MIB1: variants seen among roughly 807,000 people sequenced by gnomAD.
MIB1 encodes MIB E3 ubiquitin protein ligase 1.
A neutral mutation model predicts 124.5 loss-of-function variants in MIB1; 278 were observed. The observed-to-expected ratio is 2.23, with a 90% CI of 2.02 to 2.47. The LOEUF (loss-of-function observed/expected upper bound fraction) is 2.47. MIB1 is among the 30% of genes most tolerant of loss of function. The pLI is 0.00. For synonymous variants in MIB1, 446 were observed against 429.4 expected, an observed-to-expected ratio of 1.04 and a Z score of -0.48; for missense variants, 957 against 1,254.4, an observed-to-expected ratio of 0.76 and a Z score of 3.58.
At chr18:21,813,577 G>A (rs2041798351) in intron 10 of MIB1, among the ~76,000 whole-genome samples, 2 of 120,306 alleles carry the variant, frequency 1.7e-5, no homozygotes, top group South Asian at 4.7e-4. Context: ...AAATATCCCT[G>A]AGTTGTAGGT....
intron 11 of MIB1, among the ~76,000 whole-genome samples, chr18:21,818,628 A>AC: frequency 6.6e-6 from 1 of 151,892 alleles, no homozygotes; most frequent in Non-Finnish European, 1.5e-5. Context: ...ACATACTGAG[A>AC]CCCCCATCTC....
At chr18:21,844,393 G>A (rs2042117855) in intron 15 of MIB1, 140 bp downstream of exon 15, 4 of 801,394 alleles carry the variant, frequency 5.0e-6, no homozygotes, top group African/African-American at 1.7e-5. Context: ...TATGAACTTA[G>A]TACTAGTCAG....
intron 13 of MIB1, 43 bp downstream of exon 13, chr18:21,838,540 T>A (rs753178467): frequency 1.3e-5 from 19 of 1,502,572 alleles, no homozygotes; most frequent in Admixed American, 4.3e-5. Context: ...TATTTTTTTT[T>A]AAACAATTTG....
At chr18:21,737,215 G>C (rs566563834), upstream of MIB1, among the ~76,000 whole-genome samples, 2 of 152,314 alleles carry the variant, frequency 1.3e-5, no homozygotes, top group African/African-American at 2.4e-5. Context: ...AGAAGAGAGT[G>C]GGGGCCAATA....
At chr18:21,815,464 T>A in intron 10 of MIB1, 152 bp from the exon 11 acceptor site, 1 of 658,566 alleles carries the variant, frequency 1.5e-6, no homozygotes, top group African/African-American at 1.8e-5. Flanking sequence ...ATTACAGGCA[T>A]GAGCCACTGC....
At chr18:21,835,816 C>A (rs1342371717) in intron 12 of MIB1, among the ~76,000 whole-genome samples, 4 of 35,414 alleles carry the variant, frequency 1.1e-4, no homozygotes, top group African/African-American at 3.0e-4. Context: ...CACACACACA[C>A]ACACACACAC....
chr18:21,799,574 T>G (rs2041626771), intron 8 of MIB1, among the ~76,000 whole-genome samples: 1 of 152,060 alleles, frequency 6.6e-6, no homozygotes, highest in South Asian at 2.1e-4. Flanking sequence ...CTTTTAAATC[T>G]TGAATTATTA....
chr18:21,793,812 A>AAAAAAAAAAAG (rs2041539151), intron 7 of MIB1: 1 of 140,518 alleles, frequency 7.1e-6, no homozygotes, highest in Non-Finnish European at 1.5e-5. Flanking sequence ...AAAAAAAAAA[A>AAAAAAAAAAAG]GGCATATCAG....
intron 1 of MIB1, among the ~76,000 whole-genome samples, chr18:21,716,667 C>T (rs1011651330): frequency 1.8e-4 from 27 of 152,146 alleles, no homozygotes; most frequent in African/African-American, 6.0e-4. Context: ...CTGGCTAACA[C>T]GGTGAAACCC....
chr18:21,795,322 A>T (rs1031532276), intron 7 of MIB1, among the ~76,000 whole-genome samples: 4 of 142,626 alleles, frequency 2.8e-5, no homozygotes, highest in South Asian at 2.1e-4. Flanking sequence ...ATTATATATA[A>T]TATATAAATA....
chr18:21,737,422 A>C (rs1356045864), upstream of MIB1, among the ~76,000 whole-genome samples: 4 of 152,180 alleles, frequency 2.6e-5, no homozygotes, highest in African/African-American at 7.2e-5. Flanking sequence ...CCACTGAAAA[A>C]CATGCCAAAT....
At chr18:21,733,887 T>C (rs2040783294) in intron 1 of MIB1, among the ~76,000 whole-genome samples, 1 of 151,896 alleles carries the variant, frequency 6.6e-6, no homozygotes, top group Admixed American at 6.6e-5. Context: ...GTATTTTTAG[T>C]AGAGACAGGG....
chr18:21,812,080 G>A (rs535889423), intron 10 of MIB1, among the ~76,000 whole-genome samples: 4 of 152,286 alleles, frequency 2.6e-5, no homozygotes, highest in African/African-American at 9.6e-5. Context: ...ATACTATAGT[G>A]TGAGAAATGG....
chr18:21,803,477 A>T (rs2041671423), intron 9 of MIB1, among the ~76,000 whole-genome samples: 1 of 152,140 alleles, frequency 6.6e-6, no homozygotes, highest in South Asian at 2.1e-4. Flanking sequence ...CTGCAAGTTG[A>T]TGTTTGGTAT....
chr18:21,706,408 C>G (rs567446214), intron 1 of MIB1, among the ~76,000 whole-genome samples: 13 of 152,346 alleles, frequency 8.5e-5, no homozygotes. Context: ...GGCATCCACT[C>G]TGGCCGCGTT....
chr18:21,806,146 C>T (rs1410199769), intron 10 of MIB1, among the ~76,000 whole-genome samples: 1 of 151,138 alleles, frequency 6.6e-6, no homozygotes, highest in African/African-American at 2.4e-5. Context: ...CGAGTGATTT[C>T]GCTTACCTCA....
intron 6 of MIB1, among the ~76,000 whole-genome samples, chr18:21,781,115 C>T (rs1414284719): frequency 6.6e-6 from 1 of 151,410 alleles, no homozygotes; most frequent in African/African-American, 2.4e-5. Context: ...TAGGGTCTTG[C>T]CATATTGCCC....
At chr18:21,773,518 A>G in intron 3 of MIB1, 106 bp from the exon 4 acceptor site, 1 of 700,392 alleles carries the variant, frequency 1.4e-6, no homozygotes. Flanking sequence ...CCTGTTACAC[A>G]GGTTGCTAGA....
chr18:21,859,400 A>G (rs2042254957), intron 20 of MIB1, among the ~76,000 whole-genome samples: 1 of 151,406 alleles, frequency 6.6e-6, no homozygotes. Context: ...CTCAAAAAAA[A>G]AAAAAAAGTC....
Sources: allele counts gnomAD v4.1 joint callset (sites outside exome capture counted in the v4.1 genomes callset), GRCh38; gene constraint gnomAD v4.1.1; transcripts MANE v1.5; gene names NCBI Gene and HGNC (gene_info 2026-07-23, HGNC 2026-07-21).